The following ACSM2A variants were observed in gnomAD, a reference collection of about 807,000 sequenced individuals.
ACSM2A encodes acyl-coenzyme A synthetase ACSM2A, mitochondrial.
A neutral mutation model predicts 76.6 loss-of-function variants in ACSM2A; 72 were observed. The ratio of observed to expected loss-of-function variants is 0.94; its 90% CI spans 0.78 to 1.14. ACSM2A has a LOEUF of 1.14. Among genes scored for constraint, ACSM2A ranks in the 50% most tolerant of loss-of-function variants. The pLI is 0.00. For missense variants in ACSM2A, 684 were observed against 708.5 expected (o/e 0.97, Z 0.39); for synonymous variants, 249 against 255.9 (o/e 0.97, Z 0.26).
At chr16:20,471,467 A>T (rs370208722) in intron 5 of ACSM2A, 69 bp from the exon 6 acceptor site, 3 of 1,544,470 alleles carry the variant, frequency 1.9e-6, no homozygotes, top group East Asian at 4.5e-5. Flanking sequence ...CCTCCCCTAC[A>T]CCTTAGTGTC....
At chr16:20,469,432 C>A in intron 3 of ACSM2A, 80 bp from the exon 4 acceptor site, 2 of 1,590,694 alleles carry the variant, frequency 1.3e-6, no homozygotes, top group Non-Finnish European at 1.7e-6. Context: ...CACTTGCTCG[C>A]TGCTTGATGT....
At chr16:20,468,743 T>C (rs1159540864) in intron 3 of ACSM2A, among the ~76,000 whole-genome samples, 8 of 152,176 alleles carry the variant, frequency 5.3e-5, no homozygotes, top group Non-Finnish European at 1.2e-4. Flanking sequence ...TTTAGGAAAG[T>C]GATAATCATG....
chr16:20,476,204 GGAA>G (rs1367467675), intron 8 of ACSM2A: 1 of 1,001,978 alleles, frequency 1.0e-6, no homozygotes, highest in Non-Finnish European at 1.2e-6. Flanking sequence ...GTGAGGAATG[GGAA>G]GAAGAACCCA....
At chr16:20,458,506 T>A (rs1254292687) in intron 1 of ACSM2A, among the ~76,000 whole-genome samples, 2 of 145,392 alleles carry the variant, frequency 1.4e-5, no homozygotes, top group African/African-American at 2.5e-5. Context: ...TAATATTACA[T>A]TATATATTAT....
At position 20,460,270 on chromosome 16, in the gene ACSM2A, T is replaced by G. The variant is rs552124276; in HGVS notation, c.156T>G (p.Asp52Glu). Residue 52 changes from aspartate to glutamate, a missense_variant, in exon 2 of 14, where the codon GAT (aspartate) becomes GAG (glutamate). By Grantham distance (45) the Asp-to-Glu change is conservative (BLOSUM62 2). Transcript: ENST00000573854. ...AKFNFASDVL[D>E]HWADMEKAGK... is the part of the protein sequence containing the mutation. ...TTAACTTTGCTAGTGATGTGTTGGA[T>G]CACTGGGCTGACATGGAGAAGGTAA... The G allele has an allele frequency of 6.2e-7, 1 of 1,613,660 alleles. No individual in the cohort carries two copies. The highest frequency in any genetic ancestry group is 1.3e-5 in the African/African-American group (1 of 75,000).
chr16:20,479,453 CG>C (rs1324423468), intron 10 of ACSM2A, among the ~76,000 whole-genome samples: 2 of 152,096 alleles, frequency 1.3e-5, no homozygotes, highest in Admixed American at 6.5e-5. Context: ...TCAGTTTGCT[CG>C]AGTTCAAAAC....
At chr16:20,455,055 G>A (rs2012054938) in intron 1 of ACSM2A, among the ~76,000 whole-genome samples, 1 of 138,006 alleles carries the variant, frequency 7.2e-6, no homozygotes, top group Admixed American at 7.0e-5. Context: ...TAACTTCAGA[G>A]CTTGAAGACA....
At chr16:20,459,963 T>A (rs1000014458) in intron 1 of ACSM2A, 144 bp from the exon 2 acceptor site, 157 of 1,387,010 alleles carry the variant, frequency 1.1e-4, no homozygotes, top group Admixed American at 2.9e-4. Flanking sequence ...AAACAGATGC[T>A]GAGTGCCAAT....
Position 20,475,677 on chromosome 16 carries a change from C to G in ACSM2A, c.1002C>G (p.Cys334Trp). ...SSYKFPHLQN[C>W]VTVGESLLPE... is the part of the protein sequence containing the mutation. ...ACAAGTTCCCCCATCTACAGAACTG[C>G]GTCACTGTAGGGGAGTCCCTTCTTC... Residue 334 changes from cysteine to tryptophan, a missense_variant, in exon 8 of 14, where the codon TGC becomes TGG. Cys to Trp is a radical substitution (Grantham distance 215). Coordinates refer to ENST00000573854, the MANE Select transcript of ACSM2A (RefSeq NM_001308172.2). 1.2e-6 allele frequency: 2 copies of G among 1,614,040 alleles called. No homozygotes were observed. The highest frequency in any genetic ancestry group is 1.7e-6 in the Non-Finnish European group (2 of 1,179,926).
chr16:20,454,853 A>T (rs77832957), intron 1 of ACSM2A, among the ~76,000 whole-genome samples: 1 of 147,700 alleles, frequency 6.8e-6, no homozygotes, highest in East Asian at 2.3e-4. Context: ...AAGGGCAATT[A>T]TTAAGCTAAT....
At chr16:20,484,829 C>G (rs1861156092) in intron 13 of ACSM2A, among the ~76,000 whole-genome samples, 2 of 152,116 alleles carry the variant, frequency 1.3e-5, no homozygotes, top group Admixed American at 1.3e-4. Flanking sequence ...TTGGACAAGA[C>G]AGCTGTCTCT....
chr16:20,465,609 C>A lies in ACSM2A; in HGVS notation c.270C>A (p.Ser90Arg). Residue 90 changes from serine to arginine, a missense_variant, in exon 3 of 14, where the codon AGC (serine) becomes AGA (arginine). By Grantham distance (110) the Ser-to-Arg change is moderately radical (BLOSUM62 -1). This residue lies in a region of ACSM2A where 519 missense variants were observed against 549.5 expected (regional missense o/e 0.94). Transcript: ENST00000573854. ...ATTTCAGAGAACTGAGTGAAAACAG[C>A]CAGCAGGCAGCCAACGTCCTCTCGG... Reference protein sequence around the residue: ...MWNFRELSENSQQAANVLSGA... With the variant: ...MWNFRELSENRQQAANVLSGA... The A allele has an allele frequency of 6.2e-7, 1 of 1,613,980 alleles. No homozygotes were observed. The highest frequency in any genetic ancestry group is 8.5e-7 in the Non-Finnish European group (1 of 1,179,872).
rs1431111395 is a variant in ACSM2A at position 20,471,535 on chromosome 16, G to T, written c.741-1G>T. On this transcript the variant is annotated splice_acceptor_variant, in intron 5 of 13. Transcript: ENST00000573854. LOFTEE classifies it high-confidence loss of function. Reference sequence around the variant, plus strand: ...TACATGTGTTTTGTCTGTGTTTTCAGTTGGACAGGCCTGCAAGCCTCTGAT... The same window carrying T: ...TACATGTGTTTTGTCTGTGTTTTCATTTGGACAGGCCTGCAAGCCTCTGAT... 3 of 1,609,318 alleles carry T rather than the reference G, an allele frequency of 1.9e-6. No homozygotes were observed. The highest frequency in any genetic ancestry group is 1.7e-6 in the Non-Finnish European group (2 of 1,177,768).
rs557621870 is a variant in ACSM2A, at chr16:20,456,844, A to G, written c.-8-3263A>G. On this transcript the variant is annotated intron_variant, in intron 1 of 13. Transcript: ENST00000573854. ...AAATTGAGATAAAAAAATACAAAAG[A>G]TAAATGAAACAAAATCTGGTTCTTT... Among the ~76,000 whole-genome samples, 24 of 151,430 alleles carry G rather than the reference A, an allele frequency of 1.6e-4. 1 individual carries two copies. Among genetic ancestry groups the G allele is most frequent in the African/African-American group, 5.8e-4 (24 of 41,246 alleles).
rs1567380108 is a variant in ACSM2A at position 20,486,891 on chromosome 16, G to GA, written c.*220dup. 8.4e-6 allele frequency: 4 copies of GA among 475,154 alleles called. No individual in the cohort carries two copies. The highest frequency in any genetic ancestry group is 3.5e-5 in the East Asian group (1 of 28,230). The allele number at this position is 475,154 out of a possible 1,614,324, so 29.4% of individuals were successfully genotyped here. ...AGAGAGTGAAAAGGAGAGGGTAACA[G>GA]AAAAAAAGGAAAGAAAAGTAAGTCA... On this transcript the variant is annotated 3_prime_UTR_variant, in exon 14 of 14. Coordinates refer to ENST00000573854, the MANE Select transcript of ACSM2A (RefSeq NM_001308172.2).
At position 20,478,600 on chromosome 16, in the gene ACSM2A, C is replaced by T. The variant is rs755470688; in HGVS notation, c.1204C>T (p.Leu402=). The T allele has an allele frequency of 1.9e-6, 3 of 1,613,920 alleles. No individual in the cohort carries two copies. Among genetic ancestry groups the T allele is most frequent in the Non-Finnish European group, 2.5e-6 (3 of 1,179,856 alleles). The change falls in exon 10 of 14, where the codon CTG becomes TTG. Residue 402 remains leucine, a synonymous_variant. Transcript: ENST00000573854. ...GATCATAGATGATAAGGGCAACGTC[C>T]TGCCCCCCGGCACAGAAGGAGACAT... ...VQIIDDKGNV[L]PPGTEGDIGI... is the part of the protein sequence containing the mutation.
intron 3 of ACSM2A, among the ~76,000 whole-genome samples, chr16:20,468,504 C>T (rs757665119): frequency 1.6e-4 from 24 of 152,136 alleles, no homozygotes; most frequent in Admixed American, 9.8e-4. Context: ...GGATTACAGG[C>T]GTGTGCCATC....
At chr16:20,454,359 G>T (rs944809661) in intron 1 of ACSM2A, among the ~76,000 whole-genome samples, 1 of 152,018 alleles carries the variant, frequency 6.6e-6, no homozygotes, top group Admixed American at 6.6e-5. Flanking sequence ...TGAAGCTGGG[G>T]TCACTGACTT....
chr16:20,460,163 C>G lies in ACSM2A; in HGVS notation c.49C>G (p.Gln17Glu). 1 of 1,613,078 alleles carries G rather than the reference C, an allele frequency of 6.2e-7. No individual in the cohort carries two copies. The highest frequency in any genetic ancestry group is 8.5e-7 in the Non-Finnish European group (1 of 1,179,408). ...VQGLCTLWGT[Q>E]MSSRTLYINS... ...GGGACTTTGCACCCTGTGGGGTACT[C>G]AGATGTCCAGCCGCACTCTCTACAT... The change falls in exon 2 of 14, where the codon CAG becomes GAG. Residue 17 changes from glutamine to glutamate, a missense_variant. Around this residue, in one of 3 missense-constraint regions of ACSM2A, gnomAD observed 519 missense variants for 549.5 expected, o/e 0.94. Transcript: ENST00000573854.
Sources: allele counts gnomAD v4.1 joint callset (sites outside exome capture counted in the v4.1 genomes callset), GRCh38; gene constraint gnomAD v4.1.1; regional missense constraint gnomAD v4.1.1; transcripts MANE v1.5; gene names NCBI Gene and HGNC (gene_info 2026-07-23, HGNC 2026-07-21).